ARHGEF9: variants seen among roughly 807,000 people sequenced by gnomAD.
The protein encoded by ARHGEF9 is rho guanine nucleotide exchange factor 9.
In ARHGEF9, 2 loss-of-function variants were observed where a neutral mutation model predicts 41.3. That is an observed-to-expected ratio of 0.05 (90% CI 0.02 to 0.15). ARHGEF9 has a LOEUF of 0.15. Among genes scored for constraint, ARHGEF9 ranks in the 10% least tolerant of loss-of-function variants. The probability of loss-of-function intolerance (pLI) is 1.00; values close to 1 mark genes in which losing one functional copy is unlikely to be tolerated. For missense variants in ARHGEF9, 225 were observed against 424.7 expected (o/e 0.53, Z 4.13); for synonymous variants, 160 against 154.4 (o/e 1.04, Z -0.27).
chrX:63,775,437 C>T (rs2056277187), intron 1 of ARHGEF9, among the ~76,000 whole-genome samples: 1 of 112,395 alleles, frequency 8.9e-6, no homozygotes, highest in Non-Finnish European at 1.9e-5. Flanking sequence ...AGATGCCCGT[C>T]ACAGTGGATT....
chrX:63,659,330 G>T, intron 7 of ARHGEF9, among the ~76,000 whole-genome samples: 1 of 112,128 alleles, frequency 8.9e-6, no homozygotes, highest in Non-Finnish European at 1.9e-5. Context: ...TGCCTTCACA[G>T]GGACACGGTG....
At chrX:63,664,102 T>G (rs2049377454) in intron 7 of ARHGEF9, among the ~76,000 whole-genome samples, 1 of 112,455 alleles carries the variant, frequency 8.9e-6, no homozygotes. Flanking sequence ...TCCCCTACCC[T>G]GCCAGCTTAG....
At chrX:63,657,455 G>T (rs2048944124) in intron 7 of ARHGEF9, 1 of 111,904 alleles carries the variant, frequency 8.9e-6, no homozygotes, top group Non-Finnish European at 1.9e-5. Flanking sequence ...GCCCAGGCTG[G>T]AAAATACAGA....
At chrX:63,650,325 C>G (rs2048461931) in intron 8 of ARHGEF9, among the ~76,000 whole-genome samples, 2 of 111,448 alleles carry the variant, frequency 1.8e-5, no homozygotes, top group Admixed American at 9.6e-5. Flanking sequence ...GGCATATATA[C>G]ACGATGTTAT....
intron 1 of ARHGEF9, chrX:63,755,237 C>A: frequency 1.1e-6 from 1 of 938,094 alleles, no homozygotes; most frequent in Non-Finnish European, 1.3e-6. Flanking sequence ...GCCGCAGTAG[C>A]ACGTTCGCTG....
intron 8 of ARHGEF9, 21 bp from the exon 9 acceptor site, chrX:63,644,069 AT>A: frequency 8.6e-7 from 1 of 1,161,205 alleles, no homozygotes. Context: ...AAAATATATG[AT>A]TTTTTAAATG....
At chrX:63,648,072 A>T (rs1556318936) in intron 8 of ARHGEF9, among the ~76,000 whole-genome samples, 3 of 111,551 alleles carry the variant, frequency 2.7e-5, no homozygotes, top group Non-Finnish European at 5.6e-5. Context: ...AAGGCAGGTC[A>T]ACATTCAAAT....
chrX:63,756,974 A>G (rs1296585705), intron 1 of ARHGEF9, among the ~76,000 whole-genome samples: 2 of 112,118 alleles, frequency 1.8e-5, no homozygotes, highest in African/African-American at 3.2e-5. Flanking sequence ...CCAACTTTCA[A>G]TCTTTACCTT....
chrX:63,723,578 G>A (rs1188449816), intron 2 of ARHGEF9, among the ~76,000 whole-genome samples: 19 of 111,888 alleles, frequency 1.7e-4, no homozygotes, highest in Non-Finnish European at 1.9e-4. Context: ...AGCAGTTTTC[G>A]CATGTTTTAT....
chrX:63,699,943 TTGA>T (rs2052035342), intron 3 of ARHGEF9, among the ~76,000 whole-genome samples: 1 of 112,191 alleles, frequency 8.9e-6, no homozygotes, highest in African/African-American at 3.2e-5. Flanking sequence ...TCTGTTATAG[TTGA>T]TGGATTCTGG....
chrX:63,676,801 T>A (rs1473690936), intron 5 of ARHGEF9, among the ~76,000 whole-genome samples: 1 of 112,671 alleles, frequency 8.9e-6, no homozygotes, highest in African/African-American at 3.2e-5. Context: ...CCATATTTAA[T>A]CAAAATTAAG....
chrX:63,745,442 G>T lies in ARHGEF9; in HGVS notation c.31-20731C>A, dbSNP rs1209182406. 3.6e-5 allele frequency among the ~76,000 whole-genome samples: 4 copies of T among 111,189 alleles called. No homozygotes were observed. In the East Asian group the frequency reaches 1.1e-3, roughly 32 times the overall value. On this transcript the variant is annotated intron_variant, in intron 1 of 9. Coordinates refer to ENST00000671741, the MANE Select transcript of ARHGEF9 (RefSeq NM_001353921.2). Reference sequence around the variant, plus strand: ...CTCCAGGAGGTTATATAAAGCTCTTGTTCTCCCAGCCTCTCGTCAGCTTGC... The same window carrying T: ...CTCCAGGAGGTTATATAAAGCTCTTTTTCTCCCAGCCTCTCGTCAGCTTGC...
chrX:63,770,253 G>GT (rs2056181649), intron 1 of ARHGEF9, among the ~76,000 whole-genome samples: 1 of 112,546 alleles, frequency 8.9e-6, no homozygotes, highest in South Asian at 3.6e-4. Context: ...TTACATCAGC[G>GT]TAACTGGAAT....
chrX:63,740,330 T>C (rs1199253602), intron 1 of ARHGEF9, among the ~76,000 whole-genome samples: 1 of 112,454 alleles, frequency 8.9e-6, no homozygotes, highest in African/African-American at 3.2e-5. Flanking sequence ...GGCTCCTTTT[T>C]TTTGGCCTTT....
At chrX:63,680,270 G>C (rs1490661882) in intron 4 of ARHGEF9, among the ~76,000 whole-genome samples, 4 of 112,129 alleles carry the variant, frequency 3.6e-5, no homozygotes, top group African/African-American at 1.3e-4. Context: ...GCAATATAGT[G>C]AAAGAAAAAG....
chrX:63,780,887 T>C (rs1317693898), intron 1 of ARHGEF9, among the ~76,000 whole-genome samples: 1 of 111,710 alleles, frequency 9.0e-6, no homozygotes, highest in Non-Finnish European at 1.9e-5. Context: ...TAGGTCAGTT[T>C]TGTGTCCACA....
intron 1 of ARHGEF9, chrX:63,727,161 TC>T (rs2054021472): frequency 9.0e-6 from 1 of 111,655 alleles, no homozygotes; most frequent in Non-Finnish European, 1.9e-5. Context: ...TTATCAAGGG[TC>T]AAAGAGTATC....
intron 1 of ARHGEF9, among the ~76,000 whole-genome samples, chrX:63,773,045 C>T (rs2056230326): frequency 8.9e-6 from 1 of 111,758 alleles, no homozygotes; most frequent in African/African-American, 3.3e-5. Context: ...TATATGTCCT[C>T]ATGGCAATAG....
At chrX:63,719,521 C>T (rs1205145007) in intron 2 of ARHGEF9, among the ~76,000 whole-genome samples, 2 of 112,300 alleles carry the variant, frequency 1.8e-5, no homozygotes, top group Non-Finnish European at 3.8e-5. Context: ...ACTGAAACAA[C>T]CTTAAACTGG....
Sources: gnomAD v4.1 joint callset for allele counts (sites outside exome capture counted in the v4.1 genomes callset) on GRCh38, gnomAD v4.1.1 for gene constraint, MANE v1.5 for transcripts, NCBI Gene and HGNC (gene_info 2026-07-23, HGNC 2026-07-21) for gene names.